CUX1: variants seen among roughly 807,000 people sequenced by gnomAD.
CUX1 encodes protein CASP.
A neutral mutation model predicts 158.8 loss-of-function variants in CUX1; 31 were observed. The observed-to-expected ratio is 0.20, with a 90% CI of 0.15 to 0.26. The LOEUF is 0.26. Among genes scored for constraint, CUX1 ranks in the 10% least tolerant of loss-of-function variants. CUX1 has a pLI of 1.00. For synonymous variants in CUX1, 879 were observed against 862.1 expected, an observed-to-expected ratio of 1.02 and a Z score of -0.34; for missense variants, 1,589 against 2,014.6, an observed-to-expected ratio of 0.79 and a Z score of 4.04.
At chr7:102,122,098 G>GGTC (rs1554493683) in intron 8 of CUX1, among the ~76,000 whole-genome samples, 2 of 152,124 alleles carry the variant, frequency 1.3e-5, no homozygotes, top group African/African-American at 2.4e-5. Context: ...ATCATATTTA[G>GGTC]ACAAATATTG....
At chr7:102,185,977 C>G (rs782189167) in intron 11 of CUX1, among the ~76,000 whole-genome samples, 4 of 152,196 alleles carry the variant, frequency 2.6e-5, no homozygotes, top group Non-Finnish European at 4.4e-5. Flanking sequence ...AAGCGCAGGT[C>G]TAGCATACCA....
chr7:102,203,729 T>G (rs1795681826), intron 18 of CUX1, among the ~76,000 whole-genome samples: 1 of 151,984 alleles, frequency 6.6e-6, no homozygotes, highest in Non-Finnish European at 1.5e-5. Context: ...CTGTGTCCTG[T>G]GGGGGGTGTT....
chr7:102,088,290 G>A (rs571806162), intron 4 of CUX1, among the ~76,000 whole-genome samples: 1 of 152,110 alleles, frequency 6.6e-6, no homozygotes, highest in African/African-American at 2.4e-5. Context: ...GAGCCACCGC[G>A]TCCAGCCACC....
At chr7:102,061,978 C>G (rs1167483350) in intron 3 of CUX1, among the ~76,000 whole-genome samples, 1 of 152,184 alleles carries the variant, frequency 6.6e-6, no homozygotes, top group African/African-American at 2.4e-5. Flanking sequence ...AAGATCATTT[C>G]TTGTTCATGT....
At chr7:101,858,316 C>A (rs1387044817) in intron 1 of CUX1, among the ~76,000 whole-genome samples, 1 of 152,096 alleles carries the variant, frequency 6.6e-6, no homozygotes, top group Non-Finnish European at 1.5e-5. Flanking sequence ...TGGTGGGGAT[C>A]CCATTTTAGA....
intron 2 of CUX1, among the ~76,000 whole-genome samples, chr7:101,980,917 C>T (rs888916044): frequency 6.6e-6 from 1 of 152,170 alleles, no homozygotes; most frequent in African/African-American, 2.4e-5. Context: ...GTCCTGGGAA[C>T]TTAACTCTAG....
intron 4 of CUX1, among the ~76,000 whole-genome samples, chr7:102,080,775 G>A (rs939528609): frequency 6.6e-5 from 10 of 152,124 alleles, no homozygotes; most frequent in Admixed American, 1.3e-4. Context: ...TCTGCACCGA[G>A]GCTGTTGGGC....
intron 11 of CUX1, among the ~76,000 whole-genome samples, chr7:102,189,151 C>A (rs964587389): frequency 2.0e-5 from 3 of 152,148 alleles, no homozygotes; most frequent in African/African-American, 7.2e-5. Flanking sequence ...CTGTGTCTCT[C>A]GTTAGTAGAG....
chr7:101,825,802 C>T (rs201701618), intron 1 of CUX1, among the ~76,000 whole-genome samples: 13,484 of 66,642 alleles, frequency 0.2, 678 homozygotes, highest in Non-Finnish European at 0.24. Flanking sequence ...TGTGTGTGCG[C>T]GCGCGCGCGC....
chr7:102,277,844 AAGG>A (rs1791713676), intron 17 of CUX1: 1 of 620,836 alleles, frequency 1.6e-6, no homozygotes, highest in Non-Finnish European at 2.7e-6. Context: ...CAGGCAGGTC[AAGG>A]AGAAGGCTGT....
At chr7:102,079,512 A>G (rs1042029251) in intron 4 of CUX1, among the ~76,000 whole-genome samples, 3 of 152,034 alleles carry the variant, frequency 2.0e-5, no homozygotes, top group Non-Finnish European at 4.4e-5. Flanking sequence ...AAGTTCATCA[A>G]TGTGCCACTT....
chr7:101,937,437 C>T (rs1807075470), intron 2 of CUX1, among the ~76,000 whole-genome samples: 2 of 152,082 alleles, frequency 1.3e-5, no homozygotes, highest in Admixed American at 1.3e-4. Context: ...TGTCCGAGTC[C>T]CTGGAAGTGG....
chr7:101,922,415 A>G (rs895688935), intron 2 of CUX1, among the ~76,000 whole-genome samples: 1 of 152,312 alleles, frequency 6.6e-6, no homozygotes, highest in Middle Eastern at 3.4e-3. Flanking sequence ...ATAGATAAAC[A>G]GTTCTGCTTT....
At position 102,248,340 on chromosome 7, in the gene CUX1, G is replaced by T; in HGVS notation, c.3888-72G>T. 1 of 1,382,492 alleles carries T rather than the reference G, an allele frequency of 7.2e-7. No individual in the cohort carries two copies. The allele number at this position is 1,382,492 out of a possible 1,614,324, so 85.6% of individuals were successfully genotyped here. ...GCAGGAGCCCCAGAGAGAGGGGTCT[G>T]GCTGGGGTAGCACCAGAGGCCCTTT... On this transcript the variant is annotated intron_variant, in intron 23 of 23. Coordinates refer to ENST00000292535, the MANE Select transcript of CUX1 (RefSeq NM_181552.4). The surrounding 1 kb of genome is among the most constrained non-coding windows in gnomAD (Gnocchi z 5.8).
intron 2 of CUX1, among the ~76,000 whole-genome samples, chr7:101,939,172 C>G (rs907818646): frequency 3.4e-5 from 5 of 146,988 alleles, no homozygotes; most frequent in African/African-American, 1.3e-4. Flanking sequence ...TCCCTTCCCC[C>G]ACCCTCAGCC....
intron 1 of CUX1, among the ~76,000 whole-genome samples, chr7:101,873,007 G>A (rs1005070333): frequency 4.6e-5 from 7 of 152,012 alleles, no homozygotes; most frequent in African/African-American, 1.2e-4. Flanking sequence ...CGAGTAGCTG[G>A]GATTACAGGC....
intron 10 of CUX1, among the ~76,000 whole-genome samples, chr7:102,174,563 GTTTC>G (rs1792095000): frequency 6.6e-6 from 1 of 152,158 alleles, no homozygotes; most frequent in African/African-American, 2.4e-5. Context: ...GCCCCTCTCT[GTTTC>G]TTTCTTCATT....
intron 2 of CUX1, among the ~76,000 whole-genome samples, chr7:101,930,772 G>T (rs914018225): frequency 6.6e-6 from 1 of 152,160 alleles, no homozygotes; most frequent in Non-Finnish European, 1.5e-5. Flanking sequence ...ATCTGAGCAA[G>T]CCATGACCTC....
chr7:101,958,239 C>T (rs1006220053), intron 2 of CUX1, among the ~76,000 whole-genome samples: 2 of 152,090 alleles, frequency 1.3e-5, no homozygotes, highest in African/African-American at 2.4e-5. Context: ...GAAATGACAG[C>T]GTTGACATCT....
Sources: gnomAD v4.1 joint callset for allele counts (sites outside exome capture counted in the v4.1 genomes callset) on GRCh38, gnomAD v4.1.1 for gene constraint, Gnocchi (gnomAD v3.1) non-coding constraint, MANE v1.5 for transcripts, NCBI Gene and HGNC (gene_info 2026-07-23, HGNC 2026-07-21) for gene names.